The following IL2RA variants were observed in gnomAD, a reference collection of about 807,000 sequenced individuals.
IL2RA encodes interleukin-2 receptor subunit alpha.
Under a neutral mutation model 37.8 loss-of-function variants are expected in IL2RA, and 24 were observed. That is an observed-to-expected ratio of 0.63 (90% CI 0.46 to 0.89). The LOEUF (loss-of-function observed/expected upper bound fraction) is 0.89. Among genes scored for constraint, IL2RA ranks in the 40% least tolerant of loss-of-function variants. The pLI is 0.00. For synonymous variants in IL2RA, 125 were observed against 114.6 expected, an observed-to-expected ratio of 1.09 and a Z score of -0.58; for missense variants, 319 against 348.6, an observed-to-expected ratio of 0.92 and a Z score of 0.68.
chr10:6,025,702 C>G lies in IL2RA; in HGVS notation c.256+132G>C. The G allele has an allele frequency of 1.2e-6, 1 of 855,804 alleles. No individual in the cohort carries two copies. Among genetic ancestry groups the G allele is most frequent in the South Asian group, 1.5e-5 (1 of 68,040 alleles). 53.0% of individuals were successfully genotyped at this position (855,804 alleles called of 1,614,324 possible). ...GTTTAGTGAATGACTTTTCAGGAAC[C>G]ACTAAAATTAGTTATCCTGTAGACT... On this transcript the variant is annotated intron_variant, in intron 2 of 7. Transcript: ENST00000379959. This position sits in a 1 kb window ranked among gnomAD's most constrained non-coding sequence, Gnocchi z 4.4.
chr10:6,024,153 G>C (rs1309319302), intron 3 of IL2RA, 91 bp downstream of exon 3: 1 of 845,886 alleles, frequency 1.2e-6, no homozygotes, highest in Admixed American at 1.9e-5. Flanking sequence ...TAGAAGGCAG[G>C]GCAGACCTTC....
At chr10:6,045,266 A>AG (rs1464982011) in intron 1 of IL2RA, among the ~76,000 whole-genome samples, 1 of 152,204 alleles carries the variant, frequency 6.6e-6, no homozygotes, top group East Asian at 1.9e-4. Flanking sequence ...ACAGGGTAAG[A>AG]CCCTTTTGGA....
chr10:6,012,641 T>C lies in IL2RA; in HGVS notation c.*231A>G. The C allele has an allele frequency of 1.7e-6, 1 of 602,246 alleles. No individual in the cohort carries two copies. Among genetic ancestry groups the C allele is most frequent in the Non-Finnish European group, 3.0e-6 (1 of 335,666 alleles). 37.3% of individuals were successfully genotyped at this position (602,246 alleles called of 1,614,324 possible). A position where few individuals can be genotyped will look rare whatever the true frequency, so the allele number is the denominator to read the frequency against. ...TTGCCCTTCCTCTTCAACGGCGAAA[T>C]TGCTATTTAGAAGTGGGTAGCGCTC... On this transcript the variant is annotated 3_prime_UTR_variant, in exon 8 of 8. Coordinates refer to ENST00000379959, the MANE Select transcript of IL2RA (RefSeq NM_000417.3). This position sits in a 1 kb window ranked among gnomAD's most constrained non-coding sequence, Gnocchi z 4.8.
intron 5 of IL2RA, 68 bp from the exon 6 acceptor site, chr10:6,019,567 A>T: frequency 8.5e-7 from 1 of 1,177,150 alleles, no homozygotes; most frequent in African/African-American, 1.5e-5. Flanking sequence ...GGCTAAAGGA[A>T]GTCAGGGTGT....
intron 1 of IL2RA, among the ~76,000 whole-genome samples, chr10:6,026,816 A>G (rs1839490778): frequency 6.6e-6 from 1 of 152,232 alleles, no homozygotes; most frequent in African/African-American, 2.4e-5. Context: ...GAGGCAGGAA[A>G]GCAGGAGTCT....
Position 6,021,406 on chromosome 10 carries a change from G to T in IL2RA, c.583+72C>A. 1.6e-6 allele frequency: 2 copies of T among 1,244,320 alleles called. No homozygotes were observed. The highest frequency in any genetic ancestry group is 2.4e-6 in the Non-Finnish European group (2 of 845,024). 77.1% of individuals were successfully genotyped at this position (1,244,320 alleles called of 1,614,324 possible). A position where few individuals can be genotyped will look rare whatever the true frequency, so the allele number is the denominator to read the frequency against. On this transcript the variant is annotated intron_variant, in intron 4 of 7. Coordinates refer to ENST00000379959, the MANE Select transcript of IL2RA (RefSeq NM_000417.3). This position sits in a 1 kb window ranked among gnomAD's most constrained non-coding sequence, Gnocchi z 4.9. ...GGACCACTCTTGTCCAGCAGGAGTG[G>T]TCAGGGATTCCACTCTGGTCAGCCT...
chr10:6,053,189 A>C (rs1160939217), intron 1 of IL2RA, among the ~76,000 whole-genome samples: 1 of 152,196 alleles, frequency 6.6e-6, no homozygotes, highest in African/African-American at 2.4e-5. Flanking sequence ...GGAGGAAAAA[A>C]GGCAGGTTCT....
chr10:6,051,423 A>C lies in IL2RA; in HGVS notation c.64+10665T>G, dbSNP rs987856739. Among the ~76,000 whole-genome samples, 25 of 151,790 alleles carry C rather than the reference A, an allele frequency of 1.6e-4. 1 individual carries two copies. The Middle Eastern group carries it at 0.014, about 83-fold the overall frequency. On this transcript the variant is annotated intron_variant, in intron 1 of 7. Transcript: ENST00000379959. Reference sequence around the variant, plus strand: ...TGCCCTTTACTTGGTGACGTAATAAACTGATCTTTCTCTGAAAAGATGGGC... The same window carrying C: ...TGCCCTTTACTTGGTGACGTAATAACCTGATCTTTCTCTGAAAAGATGGGC...
intron 3 of IL2RA, among the ~76,000 whole-genome samples, chr10:6,023,908 G>A (rs1839432421): frequency 6.6e-6 from 1 of 152,218 alleles, no homozygotes; most frequent in Non-Finnish European, 1.5e-5. Flanking sequence ...TCACACTCTT[G>A]TTTGTGTCTT....
At chr10:6,027,664 G>A (rs1157477479) in intron 1 of IL2RA, among the ~76,000 whole-genome samples, 1 of 152,146 alleles carries the variant, frequency 6.6e-6, no homozygotes, top group Admixed American at 6.5e-5. Context: ...CTTGAAGAAA[G>A]CCTGGAAAAT....
At chr10:6,052,359 A>T (rs892360543) in intron 1 of IL2RA, among the ~76,000 whole-genome samples, 1 of 152,154 alleles carries the variant, frequency 6.6e-6, no homozygotes, top group Non-Finnish European at 1.5e-5. Context: ...CTCAGCACTT[A>T]GCCTGTGTCA....
chr10:6,049,781 G>A (rs1839919199), intron 1 of IL2RA, among the ~76,000 whole-genome samples: 1 of 152,218 alleles, frequency 6.6e-6, no homozygotes, highest in South Asian at 2.1e-4. Context: ...AAATTCACAA[G>A]TTCAAGCTAG....
In IL2RA at chr10:6,058,493, A is replaced by G. The variant is rs1220841447; in HGVS notation, c.64+3595T>C. 6.6e-6 allele frequency among the ~76,000 whole-genome samples: 1 copy of G among 152,208 alleles called. No individual in the cohort carries two copies. Among genetic ancestry groups the G allele is most frequent in the African/African-American group, 2.4e-5 (1 of 41,452 alleles). ...GCCTCAAGACATGTCTTGAAGATGA[A>G]TGAAGTAACAGTAGCAATAATACTT... On this transcript the variant is annotated intron_variant, in intron 1 of 7. Coordinates refer to ENST00000379959, the MANE Select transcript of IL2RA (RefSeq NM_000417.3). This position sits in a 1 kb window ranked among gnomAD's most constrained non-coding sequence, Gnocchi z 4.2.
rs1158002338 is a variant in IL2RA at position 6,036,308 on chromosome 10, C to G, written c.65-10283G>C. The stretch of plus-strand genomic sequence containing the variant: ...TTTCTGACTCCCAGGCACCTGCTCT[C>G]TCCTTTCGAGTGTTCGACTCCACTC... On this transcript the variant is annotated intron_variant, in intron 1 of 7. Coordinates refer to ENST00000379959, the MANE Select transcript of IL2RA (RefSeq NM_000417.3). The surrounding 1 kb of genome is among the most constrained non-coding windows in gnomAD (Gnocchi z 6.1). 1 of 152,236 alleles carries G rather than the reference C, an allele frequency of 6.6e-6. No individual in the cohort carries two copies. The highest frequency in any genetic ancestry group is 6.5e-5 in the Admixed American group (1 of 15,280). The allele number at this position is 152,236 out of a possible 1,614,324, so 9.4% of individuals were successfully genotyped here.
rs776347887 is a variant in IL2RA, at chr10:6,021,566, C to A, written c.495G>T (p.Glu165Asp). The A allele has an allele frequency of 1.9e-6, 3 of 1,614,082 alleles. No individual in the cohort carries two copies. Among genetic ancestry groups the A allele is most frequent in the South Asian group, 2.2e-5 (2 of 91,070 alleles). Residue 165 changes from glutamate to aspartate, a missense_variant, in exon 4 of 8, where the codon GAG (glutamate) becomes GAT (aspartate). Coordinates refer to ENST00000379959, the MANE Select transcript of IL2RA (RefSeq NM_000417.3). This position sits in a 1 kb window ranked among gnomAD's most constrained non-coding sequence, Gnocchi z 4.9. ...GYRALHRGPA[E>D]SVCKMTHGKT... ...TCCCGTGGGTCATTTTGCAGACGCT[C>A]TCAGCAGGACCTCTGTGTAGAGCCC...
intron 1 of IL2RA, among the ~76,000 whole-genome samples, chr10:6,031,521 T>TAC (rs1839592939): frequency 1.2e-5 from 1 of 80,524 alleles, no homozygotes; most frequent in African/African-American, 4.6e-5. Flanking sequence ...TGTATATATA[T>TAC]GTATATATAT....
chr10:6,042,300 A>T (rs1839785250), intron 1 of IL2RA, among the ~76,000 whole-genome samples: 1 of 151,948 alleles, frequency 6.6e-6, no homozygotes, highest in East Asian at 1.9e-4. Flanking sequence ...GAAGAAGAGC[A>T]TCTAATGATG....
At position 6,048,083 on chromosome 10, in the gene IL2RA, C is replaced by A. The variant is rs1839894624; in HGVS notation, c.64+14005G>T. On this transcript the variant is annotated intron_variant, in intron 1 of 7. Coordinates refer to ENST00000379959, the MANE Select transcript of IL2RA (RefSeq NM_000417.3). The surrounding 1 kb of genome is among the most constrained non-coding windows in gnomAD (Gnocchi z 5.3). Reference sequence around the variant, plus strand: ...CTGCCTGTCCTCCCGCCTATCCTCCCTCATGTGCTGGCTGCATCCTGCTCC... The same window carrying A: ...CTGCCTGTCCTCCCGCCTATCCTCCATCATGTGCTGGCTGCATCCTGCTCC... 6.6e-6 allele frequency among the ~76,000 whole-genome samples: 1 copy of A among 152,238 alleles called. No individual in the cohort carries two copies. The highest frequency in any genetic ancestry group is 6.5e-5 in the Admixed American group (1 of 15,286).
In IL2RA at chr10:6,051,506, TA is replaced by T. The variant is rs1564552565; in HGVS notation, c.64+10581del. Among the ~76,000 whole-genome samples the T allele has an allele frequency of 2.3e-3, 242 of 107,376 alleles. 1 individual carries two copies. The highest frequency in any genetic ancestry group is 8.0e-3 in the African/African-American group (228 of 28,340). The allele number at this position is 107,376 out of a possible 152,430, so 70.4% of individuals were successfully genotyped here. Reference sequence around the variant, plus strand: ...GAAAATACACACAAATATATATATATATATATATATATTTTTTTTCTTTTTT... The same window carrying T: ...GAAAATACACACAAATATATATATATTATATATATATTTTTTTTCTTTTTT... On this transcript the variant is annotated intron_variant, in intron 1 of 7. Transcript: ENST00000379959.
Sources: allele counts gnomAD v4.1 joint callset (sites outside exome capture counted in the v4.1 genomes callset), GRCh38; gene constraint gnomAD v4.1.1; non-coding constraint Gnocchi (gnomAD v3.1); transcripts MANE v1.5; gene names NCBI Gene and HGNC (gene_info 2026-07-23, HGNC 2026-07-21).